BNIP2: variants seen among roughly 807,000 people sequenced by gnomAD.
BNIP2 encodes the protein BCL2 interacting protein 2, also known as BCL2/adenovirus E1B 19 kDa protein-interacting protein 2.
In BNIP2, 36 loss-of-function variants were observed where a neutral mutation model predicts 43.4. The ratio of observed to expected loss-of-function variants is 0.83; its 90% CI spans 0.64 to 1.10. The LOEUF (loss-of-function observed/expected upper bound fraction) is 1.10. BNIP2 is among the 50% of genes least tolerant of loss of function. The pLI, the probability that BNIP2 is intolerant of heterozygous loss-of-function variation, is 0.00. For synonymous variants in BNIP2, 146 were observed against 121.0 expected (o/e 1.21, Z -1.35); for missense variants, 417 against 374.1 (o/e 1.11, Z -0.95).
intron 1 of BNIP2, 122 bp from the exon 2 acceptor site, chr15:59,682,636 T>A: frequency 1.4e-6 from 1 of 726,436 alleles, no homozygotes; most frequent in East Asian, 3.1e-5. Context: ...GTCATGAAAT[T>A]CATTTACAGG....
chr15:59,668,667 A>T, intron 9 of BNIP2: 1 of 457,876 alleles, frequency 2.2e-6, no homozygotes, highest in South Asian at 3.8e-5. Context: ...ACCGGAAATA[A>T]TTTATCCTAG....
intron 7 of BNIP2, 116 bp from the exon 8 acceptor site, chr15:59,669,478 T>G (rs1268038494): frequency 3.2e-6 from 2 of 633,874 alleles, no homozygotes; most frequent in Non-Finnish European, 5.1e-6. Context: ...AAGTTCTCAA[T>G]TAGGTGTGAT....
chr15:59,674,867 G>T (rs1893168103), intron 5 of BNIP2, among the ~76,000 whole-genome samples: 1 of 152,160 alleles, frequency 6.6e-6, no homozygotes, highest in Non-Finnish European at 1.5e-5. Flanking sequence ...TTTCTTAAGG[G>T]CAGGGACTTA....
At position 59,689,284 on chromosome 15, in the gene BNIP2, G is replaced by T. The variant is rs1224613855; in HGVS notation, c.-207C>A. 8 of 1,545,870 alleles carry T rather than the reference G, an allele frequency of 5.2e-6. No homozygotes were observed. The highest frequency in any genetic ancestry group is 7.0e-6 in the Non-Finnish European group (8 of 1,145,854). ...CCGGCCCAATCCCCCGGCCGCAGCG[G>T]TACGGCGTCGGCGGCAGCAGCTGAC... On this transcript the variant is annotated 5_prime_UTR_variant, in exon 1 of 10. Coordinates refer to ENST00000607373, the MANE Select transcript of BNIP2 (RefSeq NM_004330.4).
intron 5 of BNIP2, chr15:59,676,906 G>A: frequency 2.5e-6 from 4 of 1,602,566 alleles, no homozygotes. Context: ...CGGTGTGGCT[G>A]GCAGCCTACG....
At chr15:59,675,274 T>C (rs1171074226) in intron 5 of BNIP2, among the ~76,000 whole-genome samples, 2 of 146,398 alleles carry the variant, frequency 1.4e-5, no homozygotes, top group Admixed American at 1.4e-4. Flanking sequence ...AAAAAAAAAT[T>C]TGTTCACGGT....
chr15:59,678,333 C>T (rs1409896418), intron 4 of BNIP2: 13 of 1,218,850 alleles, frequency 1.1e-5, no homozygotes, highest in South Asian at 2.2e-5. Flanking sequence ...CATAGTGAAA[C>T]GTGTATCCAC....
At chr15:59,678,236 G>C (rs765870790) in intron 4 of BNIP2, 149 bp from the exon 5 acceptor site, 85 of 1,380,380 alleles carry the variant, frequency 6.2e-5, no homozygotes, top group Non-Finnish European at 7.3e-5. Flanking sequence ...GGAGGAAAAG[G>C]CTTATTCTTA....
chr15:59,687,150 T>A (rs1232500072), intron 1 of BNIP2, among the ~76,000 whole-genome samples: 2 of 152,232 alleles, frequency 1.3e-5, no homozygotes. Flanking sequence ...ACATTTATTG[T>A]CACTATGCGG....
In BNIP2 at chr15:59,689,301, G is replaced by A. The variant is rs1470332722; in HGVS notation, c.-224C>T. On this transcript the variant is annotated 5_prime_UTR_variant, in exon 1 of 10. Transcript: ENST00000607373. Reference sequence around the variant, plus strand: ...CCGCAGCGGTACGGCGTCGGCGGCAGCAGCTGACCCGGACACAGTGAGAAG... The same window carrying A: ...CCGCAGCGGTACGGCGTCGGCGGCAACAGCTGACCCGGACACAGTGAGAAG... The A allele has an allele frequency of 6.5e-6, 10 of 1,546,652 alleles. No individual in the cohort carries two copies. Among genetic ancestry groups the A allele is most frequent in the South Asian group, 1.2e-5 (1 of 83,970 alleles).
Position 59,685,705 on chromosome 15 carries a change from G to C in BNIP2, c.-57-3191C>G, listed in dbSNP as rs1310980957. ...TAGTTAAACAGAACTTGGGGAGAGA[G>C]ATATAGATAGATTTACTCTACCATT... On this transcript the variant is annotated intron_variant, in intron 1 of 9. Transcript: ENST00000607373. 2.6e-5 allele frequency among the ~76,000 whole-genome samples: 4 copies of C among 152,130 alleles called. No homozygotes were observed. The East Asian group carries it at 7.7e-4, about 29-fold the overall frequency.
rs1892364603 is a variant in BNIP2 at position 59,663,112 on chromosome 15, G to GA, written c.*956dup. The GA allele has an allele frequency of 6.6e-6, 1 of 152,628 alleles. No individual in the cohort carries two copies. Among genetic ancestry groups the GA allele is most frequent in the Non-Finnish European group, 1.5e-5 (1 of 68,046 alleles). The allele number at this position is 152,628 out of a possible 1,614,324, so 9.5% of individuals were successfully genotyped here. ...AGTATTTTGGTAAAGTGCCCATAGTGAGAGTTTAAAAAGCAGCCCCTGTTT... is the reference window on the plus strand; with the variant it reads ...AGTATTTTGGTAAAGTGCCCATAGTGAAGAGTTTAAAAAGCAGCCCCTGTTT... On this transcript the variant is annotated 3_prime_UTR_variant, in exon 10 of 10. Transcript: ENST00000607373.
At chr15:59,685,748 G>C (rs1055765194) in intron 1 of BNIP2, among the ~76,000 whole-genome samples, 1 of 152,204 alleles carries the variant, frequency 6.6e-6, no homozygotes. Flanking sequence ...GAATTTTAGG[G>C]GAAAAGTACA....
At chr15:59,678,361 T>G in intron 4 of BNIP2, 1 of 1,151,272 alleles carries the variant, frequency 8.7e-7, no homozygotes, top group South Asian at 2.3e-5. Context: ...GAAAATATAA[T>G]TTGTAGAGTC....
chr15:59,682,900 G>C (rs2142017235), intron 1 of BNIP2, among the ~76,000 whole-genome samples: 1 of 152,224 alleles, frequency 6.6e-6, no homozygotes, highest in South Asian at 2.1e-4. Flanking sequence ...CTTGGATAGA[G>C]GTTGATTCTA....
At chr15:59,664,849 A>T (rs1892473534) in intron 9 of BNIP2, among the ~76,000 whole-genome samples, 1 of 152,246 alleles carries the variant, frequency 6.6e-6, no homozygotes, top group African/African-American at 2.4e-5. Context: ...ATTATCAATC[A>T]ATATTTTAAA....
chr15:59,677,010 T>C lies in BNIP2; in HGVS notation c.472+901A>G, dbSNP rs556867198. ...CTTGGTTATCTCCATTTTGTGAAGATTGATCAGGAGACTGTTAATCATTGA... is the reference window on the plus strand; with the variant it reads ...CTTGGTTATCTCCATTTTGTGAAGACTGATCAGGAGACTGTTAATCATTGA... On this transcript the variant is annotated intron_variant, in intron 5 of 9. Transcript: ENST00000607373. 25 of 1,613,222 alleles carry C rather than the reference T, an allele frequency of 1.5e-5. No individual in the cohort carries two copies. In the African/African-American group the frequency reaches 1.7e-4, roughly 11 times the overall value.
At chr15:59,688,892 AC>A in intron 1 of BNIP2, 1 of 1,477,220 alleles carries the variant, frequency 6.8e-7, no homozygotes, top group Middle Eastern at 2.3e-4. Context: ...CGGAAAAGCG[AC>A]GGGGTGGGGG....
intron 2 of BNIP2, 83 bp downstream of exon 2, chr15:59,682,324 CT>C: frequency 1.6e-6 from 2 of 1,283,558 alleles, no homozygotes. Flanking sequence ...AAGACTCCGT[CT>C]CAAAAAAAAA....
Sources: allele counts gnomAD v4.1 joint callset (sites outside exome capture counted in the v4.1 genomes callset), GRCh38; gene constraint gnomAD v4.1.1; transcripts MANE v1.5; gene names NCBI Gene and HGNC (gene_info 2026-07-23, HGNC 2026-07-21).